The following CHRM3 variants were observed in gnomAD, a reference collection of about 807,000 sequenced individuals.
CHRM3 encodes cholinergic receptor muscarinic 3.
A neutral mutation model predicts 41.8 loss-of-function variants in CHRM3; 11 were observed. The observed-to-expected ratio is 0.26, with a 90% CI of 0.17 to 0.44. The LOEUF is 0.44. Ranked by LOEUF, CHRM3 falls within the 20% of genes least tolerant of loss-of-function variation. CHRM3 has a pLI of 1.00. For synonymous variants in CHRM3, 297 were observed against 301.4 expected (o/e 0.99, Z 0.15); for missense variants, 571 against 745.4 (o/e 0.77, Z 2.72).
At chr1:239,672,589 T>TAACCATG (rs1674483621) in intron 4 of CHRM3, among the ~76,000 whole-genome samples, 1 of 124,050 alleles carries the variant, frequency 8.1e-6, no homozygotes, top group South Asian at 2.6e-4. Context: ...CCATGTCTCT[T>TAACCATG]TCTTCCCACT....
intron 3 of CHRM3, among the ~76,000 whole-genome samples, chr1:239,618,618 T>C (rs61836585): frequency 1.3e-5 from 2 of 151,024 alleles, no homozygotes; most frequent in Admixed American, 6.6e-5. Flanking sequence ...GCCAAGGCGG[T>C]CGGATCACGA....
chr1:239,748,467 C>T lies in CHRM3; in HGVS notation c.-147+70179C>T, dbSNP rs1474370200. 6.6e-6 allele frequency among the ~76,000 whole-genome samples: 1 copy of T among 152,168 alleles called. No homozygotes were observed. Among genetic ancestry groups the T allele is most frequent in the East Asian group, 1.9e-4 (1 of 5,196 alleles). On this transcript the variant is annotated intron_variant, in intron 5 of 6. Transcript: ENST00000676153. The surrounding 1 kb of genome is among the most constrained non-coding windows in gnomAD (Gnocchi z 4.3). ...GGATAAATCCTAATACCCATCTGTC[C>T]TTGACTCTTTCATTCCATAGAATTT... is the stretch of plus-strand genomic sequence containing the variant.
chr1:239,404,451 AAAG>A lies in CHRM3; in HGVS notation c.-521+17227_-521+17229del, dbSNP rs1280395806. 1.4e-4 allele frequency among the ~76,000 whole-genome samples: 20 copies of A among 140,570 alleles called. 1 individual carries two copies. Among genetic ancestry groups the A allele is most frequent in the Non-Finnish European group, 2.2e-4 (14 of 64,772 alleles). 92.2% of individuals were successfully genotyped at this position (140,570 alleles called of 152,430 possible). ...GAAAGAAAGAAAGAAAGAAAGAAAGAAAGAAAGAAAGAAAGAAAAAGAAAGAAA... is the reference window on the plus strand; with the variant it reads ...GAAAGAAAGAAAGAAAGAAAGAAAGAAAAGAAAGAAAGAAAAAGAAAGAAA... On this transcript the variant is annotated intron_variant, in intron 1 of 6. Coordinates refer to ENST00000676153, the MANE Select transcript of CHRM3 (RefSeq NM_001375978.1).
At chr1:239,411,407 A>G (rs2103043590) in intron 1 of CHRM3, among the ~76,000 whole-genome samples, 1 of 152,250 alleles carries the variant, frequency 6.6e-6, no homozygotes, top group East Asian at 1.9e-4. Flanking sequence ...TAACTGGCAG[A>G]CCTACACGAA....
At chr1:239,795,768 C>T (rs556371165) in intron 5 of CHRM3, among the ~76,000 whole-genome samples, 2 of 152,254 alleles carry the variant, frequency 1.3e-5, no homozygotes, top group African/African-American at 4.8e-5. Context: ...TCCTTGTGTT[C>T]ACATAAATAG....
Position 239,630,896 on chromosome 1 carries a change from G to A in CHRM3, c.-312-1328G>A, listed in dbSNP as rs982788983. ...AGACACTTCTCAGATAGGGAGGGCC[G>A]GGGGAGGGCAGCAGTGGGGAAGGAG... is the stretch of plus-strand genomic sequence containing the variant. On this transcript the variant is annotated intron_variant, in intron 3 of 6. Coordinates refer to ENST00000676153, the MANE Select transcript of CHRM3 (RefSeq NM_001375978.1). Among the ~76,000 whole-genome samples, 19 of 152,088 alleles carry A rather than the reference G, an allele frequency of 1.2e-4. No individual in the cohort carries two copies. In the South Asian group the frequency reaches 2.3e-3, roughly 18 times the overall value.
chr1:239,907,582 G>C lies in CHRM3; in HGVS notation c.131G>C (p.Arg44Pro). The part of the protein sequence containing the change: ...VTHFGSYNVS[R>P]AAGNFSSPDG... The stretch of plus-strand genomic sequence containing the variant: ...CATTTCGGCAGCTACAATGTTTCTC[G>C]AGCAGCTGGCAATTTCTCCTCTCCA... The change falls in exon 7 of 7, where the codon CGA becomes CCA. Residue 44 changes from arginine (R) to proline (P), a missense_variant. Physicochemically the swap from Arg to Pro is moderately radical, Grantham distance 103. This residue lies in a region of CHRM3 where 92 missense variants were observed against 76.1 expected (regional missense o/e 1.21). Transcript: ENST00000676153. This position sits in a 1 kb window ranked among gnomAD's most constrained non-coding sequence, Gnocchi z 5.4. The C allele has an allele frequency of 1.2e-6, 2 of 1,614,098 alleles. No individual in the cohort carries two copies. Among genetic ancestry groups the C allele is most frequent in the Non-Finnish European group, 8.5e-7 (1 of 1,180,026 alleles).
chr1:239,802,626 T>C (rs1670308323), intron 5 of CHRM3, among the ~76,000 whole-genome samples: 1 of 152,202 alleles, frequency 6.6e-6, no homozygotes, highest in African/African-American at 2.4e-5. Context: ...AGACAGGGTC[T>C]TACTCTGTTG....
intron 4 of CHRM3, among the ~76,000 whole-genome samples, chr1:239,641,420 C>G (rs1399518533): frequency 6.1e-5 from 9 of 146,908 alleles, no homozygotes; most frequent in African/African-American, 1.5e-4. Flanking sequence ...GTAGGTCACT[C>G]AGGACTTGCT....
intron 3 of CHRM3, among the ~76,000 whole-genome samples, chr1:239,580,266 A>T (rs1204622877): frequency 5.9e-5 from 6 of 101,276 alleles, no homozygotes; most frequent in Admixed American, 9.1e-5. Context: ...TGTCACACAC[A>T]CACACACACA....
In CHRM3 at chr1:239,791,416, C is replaced by A. The variant is rs74849907; in HGVS notation, c.-146-35836C>A. The stretch of plus-strand genomic sequence containing the variant: ...CACCATGCCCAGCCAGTAAACATTT[C>A]TTTAAAAGGGGCATGTTGAGCAATT... On this transcript the variant is annotated intron_variant, in intron 5 of 6. Transcript: ENST00000676153. Among the ~76,000 whole-genome samples, 1,079 of 152,216 alleles carry A rather than the reference C, an allele frequency of 7.1e-3. 10 individuals are homozygous for A. Among genetic ancestry groups the A allele is most frequent in the African/African-American group, 0.025 (1,028 of 41,536 alleles).
At chr1:239,740,129 TC>T (rs1358620155) in intron 5 of CHRM3, among the ~76,000 whole-genome samples, 2 of 151,982 alleles carry the variant, frequency 1.3e-5, no homozygotes, top group African/African-American at 4.8e-5. Context: ...CAAGGTCACT[TC>T]CTGTCATACA....
chr1:239,897,783 A>G (rs1218295156), intron 6 of CHRM3, among the ~76,000 whole-genome samples: 1 of 152,186 alleles, frequency 6.6e-6, no homozygotes, highest in Non-Finnish European at 1.5e-5. Context: ...AAGGTTTTAG[A>G]CTTGCGAGTG....
At chr1:239,433,322 C>A (rs1037655972) in intron 1 of CHRM3, among the ~76,000 whole-genome samples, 5 of 152,150 alleles carry the variant, frequency 3.3e-5, no homozygotes, top group Non-Finnish European at 7.3e-5. Flanking sequence ...TCCCATGGAG[C>A]CTAACTCCCC....
At position 239,908,764 on chromosome 1, in the gene CHRM3, C is replaced by T; in HGVS notation, c.1313C>T (p.Ala438Val). The T allele has an allele frequency of 4.3e-6, 7 of 1,614,064 alleles. No homozygotes were observed. Among genetic ancestry groups the T allele is most frequent in the Non-Finnish European group, 5.9e-6 (7 of 1,179,984 alleles). ...PIQLESAVDT[A>V]KTSDVNSSVG... is the part of the protein sequence containing the mutation. Reference sequence around the variant, plus strand: ...CAGCTAGAGTCAGCCGTGGACACAGCTAAGACTTCTGACGTCAACTCCTCA... The same window carrying T: ...CAGCTAGAGTCAGCCGTGGACACAGTTAAGACTTCTGACGTCAACTCCTCA... The change falls in exon 7 of 7, where the codon GCT becomes GTT. Residue 438 changes from alanine to valine, a missense_variant. Ala to Val is a moderately conservative substitution (Grantham distance 64, BLOSUM62 0). This residue lies in a region of CHRM3 where 239 missense variants were observed against 239.6 expected (regional missense o/e 1.00). Transcript: ENST00000676153. The surrounding 1 kb of genome is among the most constrained non-coding windows in gnomAD (Gnocchi z 7.2).
At chr1:239,732,935 T>C (rs977316232) in intron 5 of CHRM3, among the ~76,000 whole-genome samples, 1 of 151,630 alleles carries the variant, frequency 6.6e-6, no homozygotes, top group East Asian at 2.0e-4. Context: ...GATAAGTATA[T>C]CTAATATCTC....
intron 6 of CHRM3, among the ~76,000 whole-genome samples, chr1:239,902,490 C>T (rs1323221561): frequency 6.6e-6 from 1 of 152,152 alleles, no homozygotes; most frequent in Non-Finnish European, 1.5e-5. Context: ...ATGAGAACAT[C>T]ATCTTTATTA....
chr1:239,427,061 G>T (rs956965180), intron 1 of CHRM3, among the ~76,000 whole-genome samples: 1 of 152,076 alleles, frequency 6.6e-6, no homozygotes, highest in African/African-American at 2.4e-5. Context: ...AGTTATTTTG[G>T]AATCTTTAGC....
rs535440539 is a variant in CHRM3 at position 239,674,210 on chromosome 1, T to G, written c.-249-3976T>G. 3.3e-5 allele frequency among the ~76,000 whole-genome samples: 5 copies of G among 152,308 alleles called. No individual in the cohort carries two copies. In the East Asian group the frequency reaches 9.7e-4, roughly 29 times the overall value. On this transcript the variant is annotated intron_variant, in intron 4 of 6. Transcript: ENST00000676153. ...TGGAATAATTTGTGAGTGGGATTAC[T>G]AGGTCCACAGATATGAATATATTTA...
Sources: gnomAD v4.1 joint callset for allele counts (sites outside exome capture counted in the v4.1 genomes callset) on GRCh38, gnomAD v4.1.1 for gene constraint, gnomAD v4.1.1 regional missense constraint, Gnocchi (gnomAD v3.1) non-coding constraint, MANE v1.5 for transcripts, NCBI Gene and HGNC (gene_info 2026-07-23, HGNC 2026-07-21) for gene names.